Variants in HDAC9 observed in about 807,000 individuals in gnomAD.
HDAC9 encodes histone deacetylase 9.
In HDAC9, 41 loss-of-function variants were observed where a neutral mutation model predicts 139.4. The ratio of observed to expected loss-of-function variants is 0.29; its 90% CI spans 0.23 to 0.38. The LOEUF (loss-of-function observed/expected upper bound fraction) is 0.38, where lower values mean the gene tolerates loss of function less well. Among genes scored for constraint, HDAC9 ranks in the 10% least tolerant of loss-of-function variants. The probability of loss-of-function intolerance (pLI) is 1.00; values close to 1 mark genes in which losing one functional copy is unlikely to be tolerated. For missense variants in HDAC9, 1,147 were observed against 1,297.0 expected, an observed-to-expected ratio of 0.88 and a Z score of 1.78; for synonymous variants, 517 against 476.2, an observed-to-expected ratio of 1.09 and a Z score of -1.12.
intron 1 of HDAC9, among the ~76,000 whole-genome samples, chr7:18,376,181 G>A (rs1312834569): frequency 2.0e-5 from 3 of 152,108 alleles, no homozygotes; most frequent in Non-Finnish European, 2.9e-5. Context: ...GAAAGGCAAT[G>A]ATTAGAGCAT....
chr7:18,957,570 G>A (rs1036963542), intron 24 of HDAC9, among the ~76,000 whole-genome samples: 6 of 152,070 alleles, frequency 3.9e-5, no homozygotes, highest in African/African-American at 1.4e-4. Context: ...CTTATTTTGT[G>A]AGACCCAGTT....
upstream of HDAC9, chr7:18,495,633 C>A: frequency 1.6e-6 from 1 of 615,680 alleles, no homozygotes; most frequent in Non-Finnish European, 2.0e-6. Flanking sequence ...CTATTTTTGG[C>A]TCAGGCCGAC....
intron 2 of HDAC9, among the ~76,000 whole-genome samples, chr7:18,207,471 A>G (rs567456446): frequency 1.3e-5 from 2 of 148,780 alleles, no homozygotes; most frequent in African/African-American, 2.5e-5. Flanking sequence ...TAGTGGTGCA[A>G]TCGTAGCTCA....
chr7:18,857,464 AT>A (rs1207668293), intron 21 of HDAC9, among the ~76,000 whole-genome samples: 4 of 151,848 alleles, frequency 2.6e-5, no homozygotes, highest in Admixed American at 2.6e-4. Context: ...TTAAAATATC[AT>A]TTTATCTATA....
chr7:18,328,853 A>G (rs778944179), intron 1 of HDAC9, among the ~76,000 whole-genome samples: 16 of 151,842 alleles, frequency 1.1e-4, no homozygotes, highest in Non-Finnish European at 2.1e-4. Context: ...CTCCTCTTCA[A>G]TTTTTTAATA....
chr7:18,751,651 C>A (rs957706581), intron 14 of HDAC9, among the ~76,000 whole-genome samples: 1 of 151,930 alleles, frequency 6.6e-6, no homozygotes. Context: ...TTTTAAGATA[C>A]CTAGGACTTT....
chr7:18,297,474 C>G (rs936601151), intron 1 of HDAC9, among the ~76,000 whole-genome samples: 4 of 152,120 alleles, frequency 2.6e-5, no homozygotes, highest in African/African-American at 9.7e-5. Flanking sequence ...TCTGACTGCT[C>G]TCCTTGCCAA....
At chr7:18,255,625 C>CG (rs1449259332) in intron 2 of HDAC9, among the ~76,000 whole-genome samples, 2 of 101,282 alleles carry the variant, frequency 2.0e-5, no homozygotes, top group Admixed American at 2.4e-4. Context: ...CTTTTTCTTT[C>CG]CTTTTTTTTT....
chr7:18,397,145 T>C (rs1230850651), intron 1 of HDAC9, among the ~76,000 whole-genome samples: 13 of 152,026 alleles, frequency 8.6e-5, no homozygotes. Context: ...TGAATGGAAA[T>C]AGAAGGCACA....
chr7:18,879,752 G>A (rs115987259), intron 22 of HDAC9, among the ~76,000 whole-genome samples: 1,766 of 152,160 alleles, frequency 0.012, 38 homozygotes, highest in African/African-American at 0.039. Context: ...ATAGGTATTG[G>A]TAAAGATTTT....
intron 2 of HDAC9, among the ~76,000 whole-genome samples, chr7:18,173,487 C>T (rs553869188): frequency 2.2e-4 from 34 of 152,226 alleles, no homozygotes; most frequent in Non-Finnish European, 4.0e-4. Flanking sequence ...GTATTTGATC[C>T]TGTCATTATG....
intron 21 of HDAC9, among the ~76,000 whole-genome samples, chr7:18,853,297 C>T (rs1203626800): frequency 6.6e-6 from 1 of 151,958 alleles, no homozygotes; most frequent in Non-Finnish European, 1.5e-5. Flanking sequence ...TGGAAGACTT[C>T]AATCCATACC....
intron 2 of HDAC9, among the ~76,000 whole-genome samples, chr7:18,571,967 A>C (rs1318816884): frequency 1.4e-4 from 20 of 146,860 alleles, no homozygotes; most frequent in African/African-American, 4.7e-4. Flanking sequence ...AACCAATGAA[A>C]CTTTTTTTTT....
intron 17 of HDAC9, among the ~76,000 whole-genome samples, chr7:18,823,090 G>A (rs187665812): frequency 6.6e-6 from 1 of 152,330 alleles, no homozygotes; most frequent in Admixed American, 6.5e-5. Flanking sequence ...AAAGCTGTGA[G>A]TGAGATGTCC....
chr7:18,102,676 T>A (rs1204945629), intron 1 of HDAC9, among the ~76,000 whole-genome samples: 2 of 152,238 alleles, frequency 1.3e-5, no homozygotes, highest in African/African-American at 4.8e-5. Context: ...ACCTAAGTTT[T>A]AGCTGGGGAC....
chr7:18,141,776 A>G (rs953980498), intron 1 of HDAC9, among the ~76,000 whole-genome samples: 2 of 152,094 alleles, frequency 1.3e-5, no homozygotes, highest in African/African-American at 2.4e-5. Context: ...AACAGCCACA[A>G]TCTTGGCCCT....
At chr7:18,751,597 C>G (rs182552857) in intron 14 of HDAC9, among the ~76,000 whole-genome samples, 1 of 151,594 alleles carries the variant, frequency 6.6e-6, no homozygotes, top group South Asian at 2.1e-4. Context: ...TAACCTAAAC[C>G]AAACATGAAA....
intron 2 of HDAC9, among the ~76,000 whole-genome samples, chr7:18,228,681 A>G (rs990758777): frequency 3.3e-5 from 5 of 152,218 alleles, no homozygotes; most frequent in Non-Finnish European, 7.4e-5. Context: ...GATCAACACC[A>G]AAATGCATGT....
chr7:18,744,860 A>AAT (rs1554343923), intron 13 of HDAC9, among the ~76,000 whole-genome samples: 1 of 152,042 alleles, frequency 6.6e-6, no homozygotes, highest in Non-Finnish European at 1.5e-5. Context: ...TATGTAAAAA[A>AAT]ATATATATAT....
Sources: gnomAD v4.1 joint callset for allele counts (sites outside exome capture counted in the v4.1 genomes callset) on GRCh38, gnomAD v4.1.1 for gene constraint, MANE v1.5 for transcripts, NCBI Gene and HGNC (gene_info 2026-07-23, HGNC 2026-07-21) for gene names.